The following SYN3 variants were observed in gnomAD, a reference collection of about 807,000 sequenced individuals.
SYN3 encodes the protein synapsin III.
SYN3 carries 35 observed loss-of-function variants against 65.8 expected under a neutral mutation model. That is an observed-to-expected ratio of 0.53 (90% CI 0.41 to 0.70). The LOEUF is 0.70. SYN3 is among the 30% of genes least tolerant of loss of function. SYN3 has a pLI of 0.00. For synonymous variants in SYN3, 270 were observed against 292.9 expected (o/e 0.92, Z 0.80); for missense variants, 680 against 749.0 (o/e 0.91, Z 1.08).
At chr22:32,995,823 C>T (rs2052863601) in intron 2 of SYN3, among the ~76,000 whole-genome samples, 1 of 152,138 alleles carries the variant, frequency 6.6e-6, no homozygotes, top group Non-Finnish European at 1.5e-5. Context: ...CCACCACGCT[C>T]AGTTAATTTT....
Position 32,510,698 on chromosome 22 carries a change from T to C in SYN3, c.*2994A>G, listed in dbSNP as rs1180083466. 6.6e-6 allele frequency among the ~76,000 whole-genome samples: 1 copy of C among 152,182 alleles called. No homozygotes were observed. The highest frequency in any genetic ancestry group is 2.1e-4 in the South Asian group (1 of 4,826). On this transcript the variant is annotated 3_prime_UTR_variant, in exon 14 of 14. Transcript: ENST00000358763. ...ACTCCTATAGCTCTCTGTGCTTGAA[T>C]CTTGTAACAGGCTGCTCTTATAAGC...
chr22:32,814,145 A>AGG (rs1450799660), intron 6 of SYN3, among the ~76,000 whole-genome samples: 29 of 132,674 alleles, frequency 2.2e-4, no homozygotes, highest in African/African-American at 6.4e-4. Context: ...TGTGTGTGAG[A>AGG]GAGAGAGAGA....
At chr22:32,515,181 GA>G (rs1420461076) in intron 13 of SYN3, among the ~76,000 whole-genome samples, 1 of 152,174 alleles carries the variant, frequency 6.6e-6, no homozygotes, top group Non-Finnish European at 1.5e-5. Context: ...AGTAAGTCAG[GA>G]AATTTATGTG....
At chr22:32,895,681 C>T (rs577869955) in intron 4 of SYN3, among the ~76,000 whole-genome samples, 11 of 152,288 alleles carry the variant, frequency 7.2e-5, no homozygotes, top group African/African-American at 2.4e-4. Flanking sequence ...GCATTCCTGA[C>T]GCATGCAATT....
intron 6 of SYN3, among the ~76,000 whole-genome samples, chr22:32,758,256 T>C (rs903387140): frequency 4.6e-5 from 7 of 152,140 alleles, no homozygotes; most frequent in Admixed American, 3.9e-4. Flanking sequence ...TTGAAGATTA[T>C]GTATGATCTG....
At chr22:33,050,454 C>G (rs887582780) in intron 1 of SYN3, among the ~76,000 whole-genome samples, 1 of 145,782 alleles carries the variant, frequency 6.9e-6, no homozygotes, top group African/African-American at 2.6e-5. Flanking sequence ...CGCACTCCAG[C>G]CTGGGTGACA....
At chr22:32,752,979 C>T (rs571301762) in intron 6 of SYN3, among the ~76,000 whole-genome samples, 2 of 152,164 alleles carry the variant, frequency 1.3e-5, no homozygotes, top group African/African-American at 4.8e-5. Context: ...TCCCCCAGAA[C>T]CACTGAAACC....
intron 6 of SYN3, among the ~76,000 whole-genome samples, chr22:32,849,854 C>T (rs2048171157): frequency 6.6e-6 from 1 of 152,116 alleles, no homozygotes; most frequent in Admixed American, 6.5e-5. Flanking sequence ...CACTGCCCCT[C>T]TCTGGGCTTT....
In SYN3 at chr22:33,019,125, C is replaced by T. The variant is rs377749851; in HGVS notation, c.-162-12301G>A. 2.0e-5 allele frequency among the ~76,000 whole-genome samples: 3 copies of T among 152,298 alleles called. No homozygotes were observed. In the East Asian group the frequency reaches 5.8e-4, roughly 29 times the overall value. On this transcript the variant is annotated intron_variant, in intron 1 of 13. Transcript: ENST00000358763. Reference sequence around the variant, plus strand: ...CAACCCTAACCAGAGGAAGCCCCCTCGTGACTTTCCACATATCCCTAGGAT... The same window carrying T: ...CAACCCTAACCAGAGGAAGCCCCCTTGTGACTTTCCACATATCCCTAGGAT...
chr22:32,961,313 TC>T (rs1345266175), intron 3 of SYN3, among the ~76,000 whole-genome samples: 1 of 152,106 alleles, frequency 6.6e-6, no homozygotes, highest in East Asian at 1.9e-4. Flanking sequence ...TCTTCCTCTT[TC>T]TAGCATCTCT....
At chr22:32,980,774 C>CTTA (rs2145651279) in intron 2 of SYN3, 72 bp from the exon 3 acceptor site, 1 of 1,416,350 alleles carries the variant, frequency 7.1e-7, no homozygotes, top group African/African-American at 1.4e-5. Flanking sequence ...TCCCAAAGGC[C>CTTA]TTACCCCAGA....
At chr22:32,781,332 A>G (rs2145833170) in intron 6 of SYN3, among the ~76,000 whole-genome samples, 1 of 152,182 alleles carries the variant, frequency 6.6e-6, no homozygotes, top group South Asian at 2.1e-4. Context: ...TAGAACAAGT[A>G]CATCCTCAAT....
chr22:32,926,537 A>AT (rs956928640), intron 4 of SYN3, among the ~76,000 whole-genome samples: 16 of 152,126 alleles, frequency 1.1e-4, no homozygotes, highest in South Asian at 2.1e-4. Flanking sequence ...CTTCGAGTCT[A>AT]TTTTTTCCCC....
intron 6 of SYN3, among the ~76,000 whole-genome samples, chr22:32,741,151 A>C (rs1000810535): frequency 6.6e-6 from 1 of 152,124 alleles, no homozygotes; most frequent in Non-Finnish European, 1.5e-5. Context: ...TGACAATAAT[A>C]GGCTGGTACT....
At chr22:32,891,525 C>T (rs2146477368) in intron 4 of SYN3, among the ~76,000 whole-genome samples, 1 of 152,220 alleles carries the variant, frequency 6.6e-6, no homozygotes, top group East Asian at 1.9e-4. Flanking sequence ...TTATAGAATT[C>T]TTCACATCCA....
At position 32,693,592 on chromosome 22, in the gene SYN3, GTTT is replaced by G. The variant is rs1189710191; in HGVS notation, c.712-96859_712-96857del. 6.5e-3 allele frequency among the ~76,000 whole-genome samples: 586 copies of G among 90,474 alleles called. 4 individuals carry two copies. The highest frequency in any genetic ancestry group is 0.029 in the African/African-American group (555 of 19,040). 59.4% of individuals were successfully genotyped at this position (90,474 alleles called of 152,430 possible). Reference sequence around the variant, plus strand: ...ATATAATATTATTTTTCTGTAGCTTGTTTTTTTTTTTTTTTTTTTTTTTGAGAC... The same window carrying G: ...ATATAATATTATTTTTCTGTAGCTTGTTTTTTTTTTTTTTTTTTTTGAGAC... On this transcript the variant is annotated intron_variant, in intron 6 of 13. Coordinates refer to ENST00000358763, the MANE Select transcript of SYN3 (RefSeq NM_003490.4).
At chr22:33,007,873 T>C (rs1489452235) in intron 1 of SYN3, among the ~76,000 whole-genome samples, 2 of 152,226 alleles carry the variant, frequency 1.3e-5, no homozygotes, top group African/African-American at 2.4e-5. Flanking sequence ...AAACATCCCA[T>C]TGAGAACAAT....
intron 6 of SYN3, among the ~76,000 whole-genome samples, chr22:32,636,460 T>A (rs922991986): frequency 6.6e-6 from 1 of 151,608 alleles, no homozygotes; most frequent in Admixed American, 6.6e-5. Flanking sequence ...GGAACTGCTG[T>A]TCCCACCTTC....
intron 6 of SYN3, among the ~76,000 whole-genome samples, chr22:32,795,453 GA>G (rs1346836568): frequency 6.6e-6 from 1 of 152,188 alleles, no homozygotes; most frequent in African/African-American, 2.4e-5. Context: ...GGACTGAGGG[GA>G]AAAGACAATG....
Sources: allele counts gnomAD v4.1 joint callset (sites outside exome capture counted in the v4.1 genomes callset), GRCh38; gene constraint gnomAD v4.1.1; transcripts MANE v1.5; gene names NCBI Gene and HGNC (gene_info 2026-07-23, HGNC 2026-07-21).